Variants in RBFOX3 observed in about 807,000 individuals in gnomAD.
RBFOX3 encodes the protein RNA binding protein fox-1 homolog 3.
In RBFOX3, 17 loss-of-function variants were observed where a neutral mutation model predicts 48.7. That is an observed-to-expected ratio of 0.35 (90% CI 0.24 to 0.52). RBFOX3 has a LOEUF of 0.52. RBFOX3 is among the 20% of genes least tolerant of loss of function. The probability of loss-of-function intolerance (pLI) is 0.94; values close to 1 mark genes in which losing one functional copy is unlikely to be tolerated. For synonymous variants in RBFOX3, 212 were observed against 209.5 expected (o/e 1.01, Z -0.10); for missense variants, 382 against 497.5 (o/e 0.77, Z 2.21).
chr17:79,330,660 G>A (rs181639443), intron 2 of RBFOX3, among the ~76,000 whole-genome samples: 227 of 152,208 alleles, frequency 1.5e-3, no homozygotes, highest in African/African-American at 4.5e-3. Context: ...GCTCTGGGAC[G>A]GGCAAAATCC....
chr17:79,609,471 G>A (rs1451813770), intron 1 of RBFOX3, among the ~76,000 whole-genome samples: 3 of 152,324 alleles, frequency 2.0e-5, no homozygotes, highest in East Asian at 3.9e-4. Flanking sequence ...AGCCTCCACC[G>A]TGGGGTGTCT....
In RBFOX3 at chr17:79,535,229, G is replaced by A. The variant is rs942976308; in HGVS notation, c.-319-52631C>T. On this transcript the variant is annotated intron_variant, in intron 1 of 14. Coordinates refer to ENST00000693108, the MANE Select transcript of RBFOX3 (RefSeq NM_001350451.2). This position sits in a 1 kb window ranked among gnomAD's most constrained non-coding sequence, Gnocchi z 4.5. ...CTTGGGCTAGAAGCAGCAGCTCCACGGCAACATCCCAAGGCCCCTCTCCAA... is the reference window on the plus strand; with the variant it reads ...CTTGGGCTAGAAGCAGCAGCTCCACAGCAACATCCCAAGGCCCCTCTCCAA... Among the ~76,000 whole-genome samples the A allele has an allele frequency of 1.3e-5, 2 of 152,118 alleles. No homozygotes were observed. The highest frequency in any genetic ancestry group is 6.5e-5 in the Admixed American group (1 of 15,276).
rs542086535 is a variant in RBFOX3, at chr17:79,306,017, A to T, written c.-74+1707T>A. Among the ~76,000 whole-genome samples the T allele has an allele frequency of 1.4e-4, 21 of 152,360 alleles. No individual in the cohort carries two copies. In the East Asian group the frequency reaches 4.0e-3, roughly 29 times the overall value. Reference sequence around the variant, plus strand: ...TAGAGCTCAGCTAGAGTCGAGTTTCATAAAAGCAGCAGCGTCTACAGTCTG... The same window carrying T: ...TAGAGCTCAGCTAGAGTCGAGTTTCTTAAAAGCAGCAGCGTCTACAGTCTG... On this transcript the variant is annotated intron_variant, in intron 3 of 14. Coordinates refer to ENST00000693108, the MANE Select transcript of RBFOX3 (RefSeq NM_001350451.2).
rs1013030768 is a variant in RBFOX3, at chr17:79,096,844, A to G, written c.756-11T>C. On this transcript the variant is annotated splice_polypyrimidine_tract_variant and intron_variant, in intron 11 of 14. Transcript: ENST00000693108. The stretch of plus-strand genomic sequence containing the variant: ...GTTTGCTCCAGTGCCCTGTTTTGGT[A>G]TAACAATAGAGTAACACCCTTGCTG... 8.4e-6 allele frequency: 6 copies of G among 712,600 alleles called. No individual in the cohort carries two copies. Among genetic ancestry groups the G allele is most frequent in the South Asian group, 1.6e-5 (1 of 60,866 alleles). The allele number at this position is 712,600 out of a possible 1,614,324, so 44.1% of individuals were successfully genotyped here.
intron 1 of RBFOX3, among the ~76,000 whole-genome samples, chr17:79,550,680 G>A (rs2091051221): frequency 6.6e-6 from 1 of 152,126 alleles, no homozygotes; most frequent in Non-Finnish European, 1.5e-5. Flanking sequence ...CGGATGGATA[G>A]GTAGGTGGAT....
At chr17:79,216,947 C>A (rs1404658466) in intron 4 of RBFOX3, among the ~76,000 whole-genome samples, 1 of 152,200 alleles carries the variant, frequency 6.6e-6, no homozygotes, top group Non-Finnish European at 1.5e-5. Flanking sequence ...CCTGTCTCCC[C>A]ACCGTGGTGG....
At chr17:79,215,355 C>T (rs1322026836) in intron 4 of RBFOX3, among the ~76,000 whole-genome samples, 2 of 152,198 alleles carry the variant, frequency 1.3e-5, no homozygotes, top group South Asian at 2.1e-4. Flanking sequence ...TGAATGTGAC[C>T]GTGGTAGGAG....
At chr17:79,333,774 C>T (rs2080768515) in intron 2 of RBFOX3, among the ~76,000 whole-genome samples, 1 of 152,124 alleles carries the variant, frequency 6.6e-6, no homozygotes, top group Admixed American at 6.5e-5. Context: ...TGATCCCATC[C>T]TCCTCTCCCT....
chr17:79,400,458 AG>A (rs1224705830), intron 2 of RBFOX3, among the ~76,000 whole-genome samples: 1 of 152,156 alleles, frequency 6.6e-6, no homozygotes, highest in African/African-American at 2.4e-5. Context: ...GGCTCACCCT[AG>A]TGACCTCATC....
intron 3 of RBFOX3, among the ~76,000 whole-genome samples, chr17:79,290,698 G>C (rs1181351125): frequency 6.6e-6 from 1 of 152,182 alleles, no homozygotes; most frequent in Non-Finnish European, 1.5e-5. Context: ...CAAAATCAGA[G>C]AAGCAATCAT....
rs143357286 is a variant in RBFOX3 at position 79,410,849 on chromosome 17, A to T, written c.-175+71605T>A. ...CTCCGCTTGACTGCCGGCCCCAGGA[A>T]GGCAAGGCCCCGCCATACCAGCTGC... On this transcript the variant is annotated intron_variant, in intron 2 of 14. Transcript: ENST00000693108. 9.7e-3 allele frequency among the ~76,000 whole-genome samples: 1,473 copies of T among 152,140 alleles called. 10 individuals carry two copies. The highest frequency in any genetic ancestry group is 0.016 in the Non-Finnish European group (1,069 of 67,982).
chr17:79,183,676 C>G (rs2052717642), intron 4 of RBFOX3, among the ~76,000 whole-genome samples: 1 of 152,062 alleles, frequency 6.6e-6, no homozygotes, highest in South Asian at 2.1e-4. Context: ...CCTCCGGAGC[C>G]CTGTCTGCAA....
At chr17:79,142,933 T>C (rs968004693) in intron 4 of RBFOX3, among the ~76,000 whole-genome samples, 1 of 152,080 alleles carries the variant, frequency 6.6e-6, no homozygotes, top group Non-Finnish European at 1.5e-5. Flanking sequence ...CACGTGGCCC[T>C]GCCTGGCATC....
At chr17:79,246,659 G>A (rs963497286) in intron 3 of RBFOX3, among the ~76,000 whole-genome samples, 1 of 152,202 alleles carries the variant, frequency 6.6e-6, no homozygotes, top group South Asian at 2.1e-4. Context: ...GGCACAGCCG[G>A]GATGTCTCTC....
intron 1 of RBFOX3, among the ~76,000 whole-genome samples, chr17:79,568,601 A>G (rs2092553367): frequency 6.6e-6 from 1 of 152,114 alleles, no homozygotes; most frequent in Admixed American, 6.5e-5. Context: ...CCCTTCTTCA[A>G]TGTTTCTCCA....
intron 4 of RBFOX3, among the ~76,000 whole-genome samples, chr17:79,138,154 G>A (rs528109929): frequency 3.3e-5 from 5 of 152,052 alleles, no homozygotes; most frequent in South Asian, 2.1e-4. Flanking sequence ...GTGTGTCACC[G>A]AGCCTGCGAG....
At chr17:79,603,356 G>A (rs2093753114) in intron 1 of RBFOX3, among the ~76,000 whole-genome samples, 1 of 152,202 alleles carries the variant, frequency 6.6e-6, no homozygotes, top group African/African-American at 2.4e-5. Flanking sequence ...CGGGCCCATT[G>A]AGGGGACACA....
intron 1 of RBFOX3, among the ~76,000 whole-genome samples, chr17:79,487,569 C>T (rs956677159): frequency 3.9e-5 from 6 of 152,102 alleles, no homozygotes; most frequent in East Asian, 1.9e-4. Flanking sequence ...ACACAGTAGG[C>T]GCTCAGCAGT....
intron 8 of RBFOX3, 53 bp from the exon 9 acceptor site, chr17:79,101,697 G>A (rs1349887793): frequency 2.0e-6 from 3 of 1,485,504 alleles, no homozygotes; most frequent in East Asian, 2.5e-5. Context: ...CCTCCTGGAA[G>A]ACCCACTGGC....
Sources: allele counts gnomAD v4.1 joint callset (sites outside exome capture counted in the v4.1 genomes callset), GRCh38; gene constraint gnomAD v4.1.1; non-coding constraint Gnocchi (gnomAD v3.1); transcripts MANE v1.5; gene names NCBI Gene and HGNC (gene_info 2026-07-23, HGNC 2026-07-21).